TM9SF3: variants seen among roughly 807,000 people sequenced by gnomAD.
The protein encoded by TM9SF3 is SM-11044-binding protein.
In TM9SF3, 14 loss-of-function variants were observed where a neutral mutation model predicts 78.6. The observed-to-expected ratio is 0.18, with a 90% CI of 0.12 to 0.28. TM9SF3 has a LOEUF of 0.28. Among genes scored for constraint, TM9SF3 ranks in the 10% least tolerant of loss-of-function variants. The probability of loss-of-function intolerance (pLI) is 1.00; values close to 1 mark genes in which losing one functional copy is unlikely to be tolerated. For missense variants in TM9SF3, 496 were observed against 721.9 expected (o/e 0.69, Z 3.59); for synonymous variants, 231 against 241.7 (o/e 0.96, Z 0.41).
chr10:96,523,800 A>G (rs1212003167), intron 14 of TM9SF3, among the ~76,000 whole-genome samples: 2 of 151,928 alleles, frequency 1.3e-5, no homozygotes, highest in South Asian at 2.1e-4. Context: ...GAGAGAGAGA[A>G]TATCTATAGA....
intron 9 of TM9SF3, among the ~76,000 whole-genome samples, chr10:96,539,660 T>C (rs991533811): frequency 1.1e-4 from 17 of 152,158 alleles, no homozygotes; most frequent in African/African-American, 3.9e-4. Flanking sequence ...ATATCAAAAT[T>C]CATCAAATTG....
chr10:96,586,630 T>TG, intron 1 of TM9SF3, 104 bp downstream of exon 1: 1 of 977,772 alleles, frequency 1.0e-6, no homozygotes, highest in Non-Finnish European at 1.3e-6. Context: ...CGGGCCGCAG[T>TG]GGGGCACCAC....
At position 96,551,493 on chromosome 10, in the gene TM9SF3, G is replaced by GT. The variant is rs1468911837; in HGVS notation, c.793-83dup. The stretch of plus-strand genomic sequence containing the variant: ...AACATAGTATGTAAAAATTACAGTT[G>GT]TAAGTTTCCTCCCTCCAAATTTATA... On this transcript the variant is annotated intron_variant, in intron 6 of 14. Coordinates refer to ENST00000371142, the MANE Select transcript of TM9SF3 (RefSeq NM_020123.4). The GT allele has an allele frequency of 5.6e-6, 6 of 1,064,892 alleles. No individual in the cohort carries two copies. The African/African-American group carries it at 6.5e-5, about 12-fold the overall frequency. 66.0% of individuals were successfully genotyped at this position (1,064,892 alleles called of 1,614,324 possible).
intron 5 of TM9SF3, 147 bp from the exon 6 acceptor site, chr10:96,553,206 T>C (rs1848194739): frequency 5.1e-6 from 4 of 782,660 alleles, no homozygotes; most frequent in East Asian, 3.1e-5. Flanking sequence ...TTCAGACACT[T>C]TGAGGATGAG....
At chr10:96,535,857 A>G (rs1215839336) in intron 9 of TM9SF3, among the ~76,000 whole-genome samples, 1 of 152,242 alleles carries the variant, frequency 6.6e-6, no homozygotes, top group African/African-American at 2.4e-5. Flanking sequence ...TACTTATTCT[A>G]TCTTTGCTTC....
intron 4 of TM9SF3, chr10:96,560,170 G>A: frequency 1.2e-6 from 1 of 858,978 alleles, no homozygotes; most frequent in East Asian, 2.5e-5. Flanking sequence ...CCACCTAAAT[G>A]CGTGCTGCCA....
chr10:96,555,031 T>C (rs1848217916), intron 5 of TM9SF3, among the ~76,000 whole-genome samples: 1 of 152,130 alleles, frequency 6.6e-6, no homozygotes, highest in African/African-American at 2.4e-5. Context: ...TTGGCCTTTT[T>C]TTTTTTTGGT....
intron 1 of TM9SF3, among the ~76,000 whole-genome samples, chr10:96,585,679 GGACGACTGCTTC>G (rs939740993): frequency 4.6e-5 from 7 of 152,198 alleles, no homozygotes; most frequent in Admixed American, 3.9e-4. Flanking sequence ...AAATAGGTAA[GGACGACTGCTTC>G]ATTTCCTCAC....
intron 14 of TM9SF3, among the ~76,000 whole-genome samples, chr10:96,526,311 A>G (rs1289266200): frequency 6.6e-6 from 1 of 152,020 alleles, no homozygotes; most frequent in Non-Finnish European, 1.5e-5. Flanking sequence ...TGCTTTACAC[A>G]CATGACACTA....
chr10:96,570,920 G>T (rs1848430845), intron 2 of TM9SF3, among the ~76,000 whole-genome samples: 1 of 151,958 alleles, frequency 6.6e-6, no homozygotes. Flanking sequence ...TATTTTTTTG[G>T]TAGAGACAGG....
chr10:96,543,208 T>A (rs762613156), intron 9 of TM9SF3, among the ~76,000 whole-genome samples: 1 of 152,238 alleles, frequency 6.6e-6, no homozygotes, highest in Non-Finnish European at 1.5e-5. Flanking sequence ...GTGGGTTAAC[T>A]CATTTTATGT....
intron 2 of TM9SF3, among the ~76,000 whole-genome samples, chr10:96,565,877 G>C (rs1268483203): frequency 2.0e-5 from 3 of 152,128 alleles, no homozygotes; most frequent in Admixed American, 2.0e-4. Context: ...TTCTTGGAAA[G>C]ACAAGTTACT....
In TM9SF3 at chr10:96,521,464, T is replaced by C. The variant is rs996965244; in HGVS notation, c.*799A>G. On this transcript the variant is annotated 3_prime_UTR_variant, in exon 15 of 15. Transcript: ENST00000371142. ...AGACATTCAGTTAAAATGTAGTTTA[T>C]CTAAATCTCAAAATGTTTAATAAAA... 7 of 152,402 alleles carry C rather than the reference T, an allele frequency of 4.6e-5. No homozygotes were observed. The highest frequency in any genetic ancestry group is 1.7e-4 in the African/African-American group (7 of 41,428). 9.4% of individuals were successfully genotyped at this position (152,402 alleles called of 1,614,324 possible). A position where few individuals can be genotyped will look rare whatever the true frequency, so the allele number is the denominator to read the frequency against.
chr10:96,527,483 A>G lies in TM9SF3; in HGVS notation c.1555T>C (p.Phe519Leu). Residue 519 changes from phenylalanine to leucine, a missense_variant, in exon 13 of 15, where the codon TTT (phenylalanine) becomes CTT (leucine). Physicochemically the swap from Phe to Leu is conservative, Grantham distance 22. This residue lies in a region of TM9SF3 where 280 missense variants were observed against 422.6 expected (regional missense o/e 0.66). Transcript: ENST00000371142. ...AEDYRWQWTS[F>L]LSAASTAIYV... is the part of the protein sequence containing the mutation. ...ATTGCAGTTGATGCAGCAGAGAGAA[A>G]ACTTGTCCATTGCCTGGTGGGGGGA... is the stretch of plus-strand genomic sequence containing the variant. 6.2e-7 allele frequency: 1 copy of G among 1,610,046 alleles called. No homozygotes were observed. The highest frequency in any genetic ancestry group is 8.5e-7 in the Non-Finnish European group (1 of 1,177,848).
chr10:96,558,492 A>G (rs1468524275), intron 5 of TM9SF3, among the ~76,000 whole-genome samples: 1 of 151,992 alleles, frequency 6.6e-6, no homozygotes, highest in East Asian at 1.9e-4. Flanking sequence ...AAAAAAATAC[A>G]AAAATTAGCC....
chr10:96,575,514 A>G (rs1345652388), intron 2 of TM9SF3, among the ~76,000 whole-genome samples: 1 of 152,116 alleles, frequency 6.6e-6, no homozygotes, highest in Non-Finnish European at 1.5e-5. Flanking sequence ...ATTTTCAACA[A>G]TAACTGAGCA....
chr10:96,543,850 G>A (rs1021364330), intron 9 of TM9SF3: 9 of 257,258 alleles, frequency 3.5e-5, no homozygotes, highest in Admixed American at 1.0e-4. Flanking sequence ...CACTTTACTG[G>A]CTTACAGAAT....
At chr10:96,568,810 A>G (rs1290690382) in intron 2 of TM9SF3, among the ~76,000 whole-genome samples, 10 of 152,070 alleles carry the variant, frequency 6.6e-5, no homozygotes. Flanking sequence ...TGTGAATAAA[A>G]AGCAAGTTAT....
chr10:96,555,916 A>G (rs544180824), intron 5 of TM9SF3, among the ~76,000 whole-genome samples: 1 of 152,266 alleles, frequency 6.6e-6, no homozygotes, highest in East Asian at 1.9e-4. Flanking sequence ...AATTTATCAA[A>G]TTTTTTAAAA....
Sources: gnomAD v4.1 joint callset for allele counts (sites outside exome capture counted in the v4.1 genomes callset) on GRCh38, gnomAD v4.1.1 for gene constraint, gnomAD v4.1.1 regional missense constraint, MANE v1.5 for transcripts, NCBI Gene and HGNC (gene_info 2026-07-23, HGNC 2026-07-21) for gene names.